Variants in SLC34A2 observed in about 807,000 individuals in gnomAD.
SLC34A2 encodes solute carrier family 34 member 2, also known as sodium-dependent phosphate transport protein 2B.
A neutral mutation model predicts 50.8 loss-of-function variants in SLC34A2; 41 were observed. The observed-to-expected ratio is 0.81, with a 90% CI of 0.63 to 1.05. The LOEUF (loss-of-function observed/expected upper bound fraction) is 1.05, where lower values mean the gene tolerates loss of function less well. Ranked by LOEUF, SLC34A2 falls within the 50% of genes least tolerant of loss-of-function variation. SLC34A2 has a pLI of 0.00. For missense variants in SLC34A2, 879 were observed against 876.7 expected, an observed-to-expected ratio of 1.00 and a Z score of -0.03; for synonymous variants, 401 against 364.2, an observed-to-expected ratio of 1.10 and a Z score of -1.15.
chr4:25,665,542 C>A (rs933149985), intron 4 of SLC34A2, among the ~76,000 whole-genome samples: 1 of 152,138 alleles, frequency 6.6e-6, no homozygotes, highest in Non-Finnish European at 1.5e-5. Flanking sequence ...TTATCTCAGA[C>A]AAATCACCTG....
chr4:25,663,966 G>C (rs952065250), intron 3 of SLC34A2, among the ~76,000 whole-genome samples: 2 of 152,174 alleles, frequency 1.3e-5, no homozygotes, highest in African/African-American at 4.8e-5. Context: ...AAATCCTTTA[G>C]AGGCACTTTA....
rs767445369 is a variant in SLC34A2 at position 25,676,644 on chromosome 4, T to C, written c.1968T>C (p.Asp656=). 1.2e-6 allele frequency: 2 copies of C among 1,614,192 alleles called. No individual in the cohort carries two copies. The highest frequency in any genetic ancestry group is 4.5e-5 in the East Asian group (2 of 44,878). ...EDLEEAQEGQ[D]VPVKAPETFD... is the part of the protein sequence containing the mutation. ...TGGAGGAGGCGCAGGAGGGGCAGGA[T>C]GTCCCTGTCAAGGCTCCTGAGACCT... Residue 656 remains aspartate, a synonymous_variant, in exon 13 of 13, where the codon GAT becomes GAC. Transcript: ENST00000382051.
At position 25,666,226 on chromosome 4, in the gene SLC34A2, T is replaced by TC. The variant is rs1560237038; in HGVS notation, c.480dup (p.Ser161GlnfsTer49). 6.2e-7 allele frequency: 1 copy of TC among 1,614,040 alleles called. No homozygotes were observed. Among genetic ancestry groups the TC allele is most frequent in the Non-Finnish European group, 8.5e-7 (1 of 1,180,014 alleles). On this transcript the variant is annotated frameshift_variant, in exon 5 of 13. Coordinates refer to ENST00000382051, the MANE Select transcript of SLC34A2 (RefSeq NM_006424.3). LOFTEE classifies it high-confidence loss of function. ...GCTGGTGACCGTCTTGGTGCAGAGC[T>TC]CCAGCACCTCAACGTCCATCGTTGT...
Position 25,676,168 on chromosome 4 carries a change from G to C in SLC34A2, c.1492G>C (p.Gly498Arg), listed in dbSNP as rs1022453751. The C allele has an allele frequency of 1.2e-6, 2 of 1,613,928 alleles. No individual in the cohort carries two copies. The highest frequency in any genetic ancestry group is 2.7e-5 in the African/African-American group (2 of 74,882). Residue 498 changes from glycine to arginine, a missense_variant, in exon 13 of 13, where the codon GGC becomes CGC. Physicochemically the swap from Gly to Arg is moderately radical, Grantham distance 125. Coordinates refer to ENST00000382051, the MANE Select transcript of SLC34A2 (RefSeq NM_006424.3). ...ALCHFFFNIS[G>R]ILLWYPIPFT... is the part of the protein sequence containing the mutation. ...GTGCCACTTTTTCTTCAACATCTCC[G>C]GCATCTTGCTGTGGTACCCGATCCC...
chr4:25,672,959 G>A (rs1160740355), intron 9 of SLC34A2, 128 bp from the exon 10 acceptor site: 1 of 982,328 alleles, frequency 1.0e-6, no homozygotes, highest in Non-Finnish European at 1.6e-6. Flanking sequence ...CTTGATTTGG[G>A]GCTGCCATCT....
Position 25,664,265 on chromosome 4 carries a change from T to C in SLC34A2, c.314T>C (p.Leu105Pro), listed in dbSNP as rs1262952398. The C allele has an allele frequency of 6.2e-7, 1 of 1,613,732 alleles. No individual in the cohort carries two copies. Among genetic ancestry groups the C allele is most frequent in the East Asian group, 2.2e-5 (1 of 44,870 alleles). ...FQGIGRLILLLGFLYFFVCSL... is the reference protein window; with the variant it reads ...FQGIGRLILLPGFLYFFVCSL... ...GGGATTGGGAGATTGATTTTACTTC[T>C]CGGATTTCTCTACTTTTTCGTGTGC... The change falls in exon 4 of 13, where the codon CTC (leucine) becomes CCC (proline). Residue 105 changes from leucine to proline, a missense_variant. Transcript: ENST00000382051.
At chr4:25,668,116 A>C in intron 6 of SLC34A2, 125 bp downstream of exon 6, 1 of 727,800 alleles carries the variant, frequency 1.4e-6, no homozygotes, top group Admixed American at 2.0e-5. Context: ...TCCTAGAAGT[A>C]ACCACAGGGA....
At chr4:25,666,103 T>C (rs769080843) in intron 4 of SLC34A2, 25 bp from the exon 5 acceptor site, 7 of 1,593,322 alleles carry the variant, frequency 4.4e-6, no homozygotes, top group Non-Finnish European at 2.6e-6. Context: ...GTGATTGTTT[T>C]TGTTTGTTTG....
intron 1 of SLC34A2, among the ~76,000 whole-genome samples, chr4:25,661,842 C>A (rs1173610071): frequency 2.0e-5 from 3 of 151,170 alleles, no homozygotes; most frequent in African/African-American, 7.3e-5. Context: ...TATGAGACAA[C>A]AAAGATGAAT....
chr4:25,664,456 C>T (rs1222727962), intron 4 of SLC34A2, 126 bp downstream of exon 4: 2 of 984,670 alleles, frequency 2.0e-6, no homozygotes, highest in Non-Finnish European at 1.6e-6. Context: ...TGGAACCGAC[C>T]TCAGATCATT....
Position 25,674,277 on chromosome 4 carries a change from T to G in SLC34A2, c.1217-19T>G. 5 of 1,604,230 alleles carry G rather than the reference T, an allele frequency of 3.1e-6. No individual in the cohort carries two copies. The highest frequency in any genetic ancestry group is 4.3e-6 in the Non-Finnish European group (5 of 1,171,124). On this transcript the variant is annotated intron_variant, in intron 10 of 12. Transcript: ENST00000382051. ...CCTTCCCCGGAGAGGCCATGACATC[T>G]CTTCCTTCTGTCTTCCAGATTTCCC... is the stretch of plus-strand genomic sequence containing the variant.
chr4:25,675,942 G>A (rs1304693766), intron 12 of SLC34A2, among the ~76,000 whole-genome samples, 193 bp from the exon 13 acceptor site: 1 of 152,124 alleles, frequency 6.6e-6, no homozygotes, highest in Admixed American at 6.5e-5. Context: ...AGTGCTCCTG[G>A]CCCTCCCAGA....
chr4:25,671,619 G>T lies in SLC34A2; in HGVS notation c.946G>T (p.Val316Phe). ...CATCCAGACCCAGATTAACGTCACT[G>T]TTCCCTCGACTGCTAACTGCACCTC... ...FTNKTQINVT[V>F]PSTANCTSPS... is the part of the protein sequence containing the mutation. The change falls in exon 9 of 13, where the codon GTT becomes TTT. Residue 316 changes from valine (V) to phenylalanine (F), a missense_variant. Transcript: ENST00000382051. The T allele has an allele frequency of 6.2e-7, 1 of 1,614,104 alleles. No individual in the cohort carries two copies. The highest frequency in any genetic ancestry group is 1.1e-5 in the South Asian group (1 of 91,078).
chr4:25,668,182 T>A (rs548492573), intron 6 of SLC34A2, among the ~76,000 whole-genome samples, 191 bp downstream of exon 6: 1 of 152,320 alleles, frequency 6.6e-6, no homozygotes, highest in South Asian at 2.1e-4. Context: ...AGCTCCCTGA[T>A]CGGCAGAGCA....
chr4:25,656,798 G>T (rs1247352744), intron 1 of SLC34A2, among the ~76,000 whole-genome samples: 1 of 152,190 alleles, frequency 6.6e-6, no homozygotes, highest in East Asian at 1.9e-4. Flanking sequence ...GCAGCTTGTG[G>T]ATTTCATCAC....
chr4:25,660,796 C>T lies in SLC34A2; in HGVS notation c.-3-1702C>T, dbSNP rs889219095. ...CTGACCTCAGATGATCCACCTGCCT[C>T]GGCTTCCCAAAGTGTTGGGTTTACA... On this transcript the variant is annotated intron_variant, in intron 1 of 12. Transcript: ENST00000382051. Among the ~76,000 whole-genome samples, 7 of 152,198 alleles carry T rather than the reference C, an allele frequency of 4.6e-5. No homozygotes were observed. In the East Asian group the frequency reaches 5.8e-4, roughly 13 times the overall value.
intron 1 of SLC34A2, among the ~76,000 whole-genome samples, chr4:25,662,030 G>A (rs976233164): frequency 3.9e-5 from 6 of 152,082 alleles, no homozygotes; most frequent in African/African-American, 4.8e-5. Context: ...GTGCCACCAC[G>A]CCGGCTAATT....
intron 5 of SLC34A2, 48 bp downstream of exon 5, chr4:25,666,319 G>A: frequency 6.2e-7 from 1 of 1,607,180 alleles, no homozygotes. Context: ...ACACTCTCCT[G>A]TCTATCTGAG....
chr4:25,669,752 T>C lies in SLC34A2; in HGVS notation c.741T>C (p.Leu247=). 4 of 1,614,166 alleles carry C rather than the reference T, an allele frequency of 2.5e-6. No individual in the cohort carries two copies. Among genetic ancestry groups the C allele is most frequent in the Non-Finnish European group, 2.5e-6 (3 of 1,180,030 alleles). ...ATTACCTCGAGATCATAACCCAGCT[T>C]ATAGTGGAGAGCTTCCACTTCAAGA... The part of the protein sequence containing the change: ...ATHYLEIITQ[L]IVESFHFKNG... The change falls in exon 7 of 13, where the codon CTT becomes CTC. Residue 247 remains leucine, a synonymous_variant. Coordinates refer to ENST00000382051, the MANE Select transcript of SLC34A2 (RefSeq NM_006424.3).
Sources: allele counts gnomAD v4.1 joint callset (sites outside exome capture counted in the v4.1 genomes callset), GRCh38; gene constraint gnomAD v4.1.1; transcripts MANE v1.5; gene names NCBI Gene and HGNC (gene_info 2026-07-23, HGNC 2026-07-21).